The following PCDH19 variants were observed in gnomAD, a reference collection of about 807,000 sequenced individuals.
PCDH19 encodes the protein protocadherin-19.
Under a neutral mutation model 46.2 loss-of-function variants are expected in PCDH19, and 6 were observed. The observed-to-expected ratio is 0.13, with a 90% CI of 0.07 to 0.26. The LOEUF (loss-of-function observed/expected upper bound fraction) is 0.26, where lower values mean the gene tolerates loss of function less well. Ranked by LOEUF, PCDH19 falls within the 10% of genes least tolerant of loss-of-function variation. The pLI is 1.00. For missense variants in PCDH19, 740 were observed against 972.3 expected, an observed-to-expected ratio of 0.76 and a Z score of 3.18; for synonymous variants, 481 against 415.7, an observed-to-expected ratio of 1.16 and a Z score of -1.91.
intron 3 of PCDH19, among the ~76,000 whole-genome samples, chrX:100,371,854 A>ACACG (rs1382920905): frequency 9.6e-5 from 2 of 20,758 alleles, no homozygotes; most frequent in Non-Finnish European, 2.0e-4. Context: ...GACTATACAC[A>ACACG]CACACACACA....
chrX:100,404,144 A>G (rs776551095), intron 1 of PCDH19, among the ~76,000 whole-genome samples: 3 of 111,862 alleles, frequency 2.7e-5, no homozygotes, highest in African/African-American at 9.8e-5. Flanking sequence ...AATCACATGG[A>G]AAGACACGCT....
chrX:100,334,113 A>G (rs1926006563), intron 5 of PCDH19, among the ~76,000 whole-genome samples: 1 of 111,370 alleles, frequency 9.0e-6, no homozygotes, highest in African/African-American at 3.3e-5. Flanking sequence ...TATTAGTAAT[A>G]ATAAATATTA....
At chrX:100,402,892 C>T in intron 2 of PCDH19, 41 bp from the exon 3 acceptor site, 4 of 1,030,513 alleles carry the variant, frequency 3.9e-6, no homozygotes, top group Non-Finnish European at 5.4e-6. Context: ...TAACACCCTC[C>T]CAAATCATGC....
chrX:100,362,658 C>A (rs1297641314), intron 3 of PCDH19, among the ~76,000 whole-genome samples: 2 of 108,117 alleles, frequency 1.8e-5, no homozygotes, highest in Non-Finnish European at 3.8e-5. Context: ...ATTAGCCGGG[C>A]GTGGTGGTGG....
At chrX:100,365,434 T>C (rs963188143) in intron 3 of PCDH19, among the ~76,000 whole-genome samples, 6 of 111,753 alleles carry the variant, frequency 5.4e-5, no homozygotes, top group African/African-American at 1.9e-4. Flanking sequence ...CTATCCTTCA[T>C]AAATTAAAAA....
At chrX:100,337,706 A>G (rs1926128271) in intron 5 of PCDH19, among the ~76,000 whole-genome samples, 2 of 111,899 alleles carry the variant, frequency 1.8e-5, no homozygotes, top group South Asian at 7.6e-4. Flanking sequence ...TTGGACAATC[A>G]AACACAATCC....
intron 3 of PCDH19, among the ~76,000 whole-genome samples, chrX:100,382,598 A>G (rs1450040007): frequency 1.8e-5 from 2 of 112,270 alleles, no homozygotes; most frequent in East Asian, 5.6e-4. Context: ...AGTATTTATT[A>G]AAGTGCAGGT....
intron 5 of PCDH19, among the ~76,000 whole-genome samples, chrX:100,305,830 C>T (rs960154987): frequency 8.9e-6 from 1 of 111,919 alleles, no homozygotes; most frequent in Admixed American, 9.5e-5. Flanking sequence ...AAGGACATTA[C>T]ATAACGATAA....
At chrX:100,314,753 C>T (rs187517466) in intron 5 of PCDH19, among the ~76,000 whole-genome samples, 2 of 111,702 alleles carry the variant, frequency 1.8e-5, no homozygotes, top group African/African-American at 6.5e-5. Context: ...ATTGCCGTTA[C>T]AAAATTTCAA....
At chrX:100,405,973 CCA>C (rs1928333494) in intron 1 of PCDH19, among the ~76,000 whole-genome samples, 1 of 111,229 alleles carries the variant, frequency 9.0e-6, no homozygotes, top group Non-Finnish European at 1.9e-5. Context: ...ACTCCCACTC[CCA>C]GTCTCTCTCC....
chrX:100,311,865 C>A (rs1925139994), intron 5 of PCDH19, among the ~76,000 whole-genome samples: 1 of 110,697 alleles, frequency 9.0e-6, no homozygotes, highest in African/African-American at 3.3e-5. Flanking sequence ...CTTCGGGAAC[C>A]ATCTGGAATA....
chrX:100,381,513 C>G (rs1927551052), intron 3 of PCDH19, among the ~76,000 whole-genome samples: 1 of 111,558 alleles, frequency 9.0e-6, no homozygotes, highest in Non-Finnish European at 1.9e-5. Context: ...AATTTTTCTC[C>G]CCTTGGTTCT....
At chrX:100,356,293 T>C (rs1356044094) in intron 3 of PCDH19, among the ~76,000 whole-genome samples, 1 of 111,851 alleles carries the variant, frequency 8.9e-6, no homozygotes, top group African/African-American at 3.3e-5. Context: ...CCGTATCAGA[T>C]ACACAACAAA....
At chrX:100,365,562 A>G (rs1037129620) in intron 3 of PCDH19, among the ~76,000 whole-genome samples, 2 of 112,068 alleles carry the variant, frequency 1.8e-5, no homozygotes, top group African/African-American at 6.5e-5. Flanking sequence ...CAACCTGACA[A>G]TGCTATGCTG....
chrX:100,392,391 T>A (rs1175483758), intron 3 of PCDH19, among the ~76,000 whole-genome samples: 1 of 112,267 alleles, frequency 8.9e-6, no homozygotes, highest in Non-Finnish European at 1.9e-5. Flanking sequence ...TGGTGTTTCA[T>A]ATGTAGTATT....
At chrX:100,362,093 T>G (rs1216862423) in intron 3 of PCDH19, among the ~76,000 whole-genome samples, 1 of 111,987 alleles carries the variant, frequency 8.9e-6, no homozygotes, top group Non-Finnish European at 1.9e-5. Flanking sequence ...CGCTGTACTG[T>G]GTCAGACAGC....
At chrX:100,334,492 T>A (rs895789873) in intron 5 of PCDH19, among the ~76,000 whole-genome samples, 1 of 111,290 alleles carries the variant, frequency 9.0e-6, no homozygotes, top group African/African-American at 3.3e-5. Flanking sequence ...TAAACCCCAA[T>A]CTCATATCAG....
intron 3 of PCDH19, among the ~76,000 whole-genome samples, chrX:100,382,427 T>C (rs770246675): frequency 4.5e-5 from 5 of 112,212 alleles, no homozygotes; most frequent in Non-Finnish European, 7.5e-5. Context: ...AGACAGAGCA[T>C]AGTCCTGGGA....
rs1218183506 is a variant in PCDH19 at position 100,294,798 on chromosome X, C to T, written c.*1479G>A. On this transcript the variant is annotated 3_prime_UTR_variant, in exon 6 of 6. Coordinates refer to ENST00000373034, the MANE Select transcript of PCDH19 (RefSeq NM_001184880.2). ...ATGTTGGCTAGTGAATATTAATAGA[C>T]AAAAGATAAATGGGGGAGTTAGAGG... is the stretch of plus-strand genomic sequence containing the variant. 3 of 111,174 alleles carry T rather than the reference C, an allele frequency of 2.7e-5. No individual in the cohort carries two copies. The East Asian group carries it at 8.5e-4, about 32-fold the overall frequency. 9.2% of individuals were successfully genotyped at this position (111,174 alleles called of 1,213,427 possible). A position where few individuals can be genotyped will look rare whatever the true frequency, so the allele number is the denominator to read the frequency against.
Sources: gnomAD v4.1 joint callset for allele counts (sites outside exome capture counted in the v4.1 genomes callset) on GRCh38, gnomAD v4.1.1 for gene constraint, MANE v1.5 for transcripts, NCBI Gene and HGNC (gene_info 2026-07-23, HGNC 2026-07-21) for gene names.